Variants in ALDH2 observed in about 807,000 individuals in gnomAD.
ALDH2 encodes the protein aldehyde dehydrogenase, mitochondrial.
ALDH2 carries 44 observed loss-of-function variants against 59.6 expected under a neutral mutation model. That is an observed-to-expected ratio of 0.74 (90% CI 0.58 to 0.95). The LOEUF (loss-of-function observed/expected upper bound fraction) is 0.95. Ranked by LOEUF, ALDH2 falls within the 40% of genes least tolerant of loss-of-function variation. The pLI, the probability that ALDH2 is intolerant of heterozygous loss-of-function variation, is 0.00. For missense variants in ALDH2, 570 were observed against 696.3 expected, an observed-to-expected ratio of 0.82 and a Z score of 2.04; for synonymous variants, 291 against 284.0, an observed-to-expected ratio of 1.02 and a Z score of -0.25.
At chr12:111,772,093 C>T (rs2068203552) in intron 1 of ALDH2, among the ~76,000 whole-genome samples, 1 of 151,546 alleles carries the variant, frequency 6.6e-6, no homozygotes, top group African/African-American at 2.4e-5. Context: ...AGTGACACTT[C>T]GTCTGAAAAA....
At chr12:111,802,573 CTG>C (rs2068461353) in intron 11 of ALDH2, among the ~76,000 whole-genome samples, 1 of 146,466 alleles carries the variant, frequency 6.8e-6, no homozygotes, top group African/African-American at 2.5e-5. Context: ...GAGTGAGACT[CTG>C]TCTCAAAAAA....
intron 1 of ALDH2, among the ~76,000 whole-genome samples, chr12:111,771,618 A>G (rs2068200531): frequency 2.0e-5 from 3 of 152,326 alleles, no homozygotes; most frequent in South Asian, 4.1e-4. Flanking sequence ...ACTCTACACC[A>G]TATGAAACCA....
At chr12:111,791,518 G>A (rs1283016359) in intron 7 of ALDH2, 99 bp downstream of exon 7, 18 of 926,388 alleles carry the variant, frequency 1.9e-5, no homozygotes, top group South Asian at 1.9e-4. Context: ...GGTGTCAAGC[G>A]GAGGCCTTTT....
At chr12:111,776,230 G>C (rs1345880576) in intron 1 of ALDH2, among the ~76,000 whole-genome samples, 1 of 152,112 alleles carries the variant, frequency 6.6e-6, no homozygotes, top group Non-Finnish European at 1.5e-5. Flanking sequence ...AGTATGCTTT[G>C]GTGCAGGGAA....
chr12:111,802,724 C>T (rs1456408296), intron 11 of ALDH2, among the ~76,000 whole-genome samples: 6 of 140,146 alleles, frequency 4.3e-5, no homozygotes, highest in Non-Finnish European at 9.3e-5. Context: ...ACTAAAAATA[C>T]AAAAATTTAG....
intron 11 of ALDH2, among the ~76,000 whole-genome samples, chr12:111,802,892 A>AAAAG (rs536743697): frequency 3.4e-5 from 5 of 147,306 alleles, no homozygotes; most frequent in East Asian, 2.2e-4. Flanking sequence ...AAAAAAAAAA[A>AAAAG]AAAAGAAAAT....
At chr12:111,796,949 C>A (rs1367219957) in intron 9 of ALDH2, among the ~76,000 whole-genome samples, 3 of 150,852 alleles carry the variant, frequency 2.0e-5, no homozygotes, top group Non-Finnish European at 4.4e-5. Flanking sequence ...GCATATTGTT[C>A]TACAAGCTTT....
At chr12:111,775,762 A>C (rs551356304) in intron 1 of ALDH2, 2 of 443,234 alleles carry the variant, frequency 4.5e-6, no homozygotes, top group Admixed American at 5.0e-5. Flanking sequence ...GTTATAAAGC[A>C]TTTGGCCCAG....
intron 9 of ALDH2, among the ~76,000 whole-genome samples, chr12:111,797,196 G>A (rs991951729): frequency 6.6e-6 from 1 of 152,136 alleles, no homozygotes; most frequent in Non-Finnish European, 1.5e-5. Flanking sequence ...TCCTCCCAAA[G>A]TGCCGAGATT....
At chr12:111,767,588 G>A (rs186845730) in intron 1 of ALDH2, among the ~76,000 whole-genome samples, 13 of 152,328 alleles carry the variant, frequency 8.5e-5, no homozygotes, top group African/African-American at 2.6e-4. Flanking sequence ...CCATGGGCGA[G>A]GCCACGCTCG....
intron 12 of ALDH2, 135 bp from the exon 13 acceptor site, chr12:111,809,408 T>G (rs541471054): frequency 1.1e-6 from 1 of 897,418 alleles, no homozygotes; most frequent in African/African-American, 1.7e-5. Flanking sequence ...GAGCTGTAAT[T>G]GCACCCCTGT....
At chr12:111,779,489 C>G (rs1182734196) in intron 1 of ALDH2, among the ~76,000 whole-genome samples, 3 of 152,116 alleles carry the variant, frequency 2.0e-5, no homozygotes, top group Non-Finnish European at 2.9e-5. Context: ...TGTGCCAGGC[C>G]AAATGTCTGC....
intron 7 of ALDH2, 105 bp downstream of exon 7, chr12:111,791,524 C>T: frequency 2.3e-6 from 2 of 873,908 alleles, no homozygotes; most frequent in South Asian, 3.0e-5. Context: ...AAGCGGAGGC[C>T]TTTTCCTCCA....
chr12:111,795,286 A>C (rs2068394169), intron 9 of ALDH2, among the ~76,000 whole-genome samples: 1 of 151,848 alleles, frequency 6.6e-6, no homozygotes, highest in Non-Finnish European at 1.5e-5. Context: ...GGGCACTAAC[A>C]TTTCTTTCTT....
At chr12:111,784,909 C>G (rs2068298634) in intron 3 of ALDH2, among the ~76,000 whole-genome samples, 1 of 152,208 alleles carries the variant, frequency 6.6e-6, no homozygotes, top group Admixed American at 6.6e-5. Flanking sequence ...GCACTCTTAA[C>G]ACATGTGACT....
intron 1 of ALDH2, among the ~76,000 whole-genome samples, chr12:111,781,467 G>A (rs906303355): frequency 3.3e-5 from 5 of 152,198 alleles, no homozygotes; most frequent in Admixed American, 6.6e-5. Context: ...GGTGCCAGAC[G>A]AGTAAGTGCA....
chr12:111,771,410 T>A (rs1041556963), intron 1 of ALDH2, among the ~76,000 whole-genome samples: 1 of 152,140 alleles, frequency 6.6e-6, no homozygotes, highest in African/African-American at 2.4e-5. Flanking sequence ...CATACAGAAA[T>A]GTTCATTGCA....
chr12:111,803,923 G>A lies in ALDH2; in HGVS notation c.1471G>A (p.Gly491Ser), dbSNP rs1489865347. ...PFGGYKMSGS[G>S]RELGEYGLQA... ...TGGTGGCTACAAGATGTCGGGGAGT[G>A]GCCGGGAGTTGGGCGAGTACGGGCT... Residue 491 changes from glycine to serine, a missense_variant, in exon 12 of 13, where the codon GGC becomes AGC. By Grantham distance (56) the Gly-to-Ser change is moderately conservative. Transcript: ENST00000261733. The A allele has an allele frequency of 1.1e-5, 17 of 1,613,296 alleles. No homozygotes were observed. The highest frequency in any genetic ancestry group is 1.4e-5 in the Non-Finnish European group (17 of 1,179,692).
At chr12:111,783,592 C>T (rs1334641720) in intron 3 of ALDH2, among the ~76,000 whole-genome samples, 1 of 152,220 alleles carries the variant, frequency 6.6e-6, no homozygotes, top group African/African-American at 2.4e-5. Flanking sequence ...TCACTGCAAC[C>T]TCCACCTCCT....
Sources: gnomAD v4.1 joint callset for allele counts (sites outside exome capture counted in the v4.1 genomes callset) on GRCh38, gnomAD v4.1.1 for gene constraint, MANE v1.5 for transcripts, NCBI Gene and HGNC (gene_info 2026-07-23, HGNC 2026-07-21) for gene names.